CCDC171: variants seen among roughly 807,000 people sequenced by gnomAD.
The protein encoded by CCDC171 is coiled-coil domain containing 171, also known as coiled-coil domain-containing protein 171.
CCDC171 carries 177 observed loss-of-function variants against 168.2 expected under a neutral mutation model. The observed-to-expected ratio is 1.05, with a 90% CI of 0.93 to 1.19. CCDC171 has a LOEUF of 1.19. Among genes scored for constraint, CCDC171 ranks in the 50% most tolerant of loss-of-function variants. The probability of loss-of-function intolerance (pLI) is 0.00; values close to 1 mark genes in which losing one functional copy is unlikely to be tolerated. For missense variants in CCDC171, 1,991 were observed against 1,539.0 expected (o/e 1.29, Z -4.91); for synonymous variants, 687 against 540.8 (o/e 1.27, Z -3.75).
chr9:16,059,949 A>C (rs1389084975), intron 1 of CCDC171, among the ~76,000 whole-genome samples: 2 of 152,180 alleles, frequency 1.3e-5, no homozygotes, highest in Admixed American at 1.3e-4. Context: ...ACCTGAGATG[A>C]AGTCTGGAAC....
chr9:15,855,133 C>G (rs1407302266), intron 23 of CCDC171, among the ~76,000 whole-genome samples: 1 of 151,630 alleles, frequency 6.6e-6, no homozygotes, highest in Middle Eastern at 3.2e-3. Flanking sequence ...CCTTGATTGT[C>G]TTTTGTCTGG....
At chr9:15,894,744 C>T (rs1820680744) in intron 24 of CCDC171, among the ~76,000 whole-genome samples, 1 of 152,126 alleles carries the variant, frequency 6.6e-6, no homozygotes. Context: ...CACTCCTTCA[C>T]TTCATTTATG....
intron 10 of CCDC171, among the ~76,000 whole-genome samples, chr9:15,694,758 C>T (rs935762861): frequency 6.6e-6 from 1 of 152,232 alleles, no homozygotes; most frequent in African/African-American, 2.4e-5. Context: ...CCTACCCCTT[C>T]TTCCCCTTTC....
At chr9:15,933,458 T>C (rs1054770492) in intron 25 of CCDC171, among the ~76,000 whole-genome samples, 4 of 151,956 alleles carry the variant, frequency 2.6e-5, no homozygotes, top group Non-Finnish European at 5.9e-5. Context: ...AAAAAACGAA[T>C]GCTTCAGTTT....
At chr9:16,037,433 A>G (rs983435476) in intron 8 of CCDC171, among the ~76,000 whole-genome samples, 1 of 152,210 alleles carries the variant, frequency 6.6e-6, no homozygotes, top group African/African-American at 2.4e-5. Context: ...ACTGAAGATG[A>G]TCTCAGCTTC....
At chr9:16,100,368 C>G in the CCDC171 span, among the ~76,000 whole-genome samples, 1 of 152,196 alleles carries the variant, frequency 6.6e-6, no homozygotes, top group African/African-American at 2.4e-5. Flanking sequence ...TCAGCTCAGG[C>G]AGCTACCTCA....
At chr9:16,082,139 A>T in the CCDC171 span, among the ~76,000 whole-genome samples, 1 of 152,362 alleles carries the variant, frequency 6.6e-6, no homozygotes, top group East Asian at 1.9e-4. Context: ...ACTAAAACAG[A>T]AAAAGAAAAA....
intron 9 of CCDC171, among the ~76,000 whole-genome samples, chr9:15,672,600 A>C (rs2049202131): frequency 6.6e-6 from 1 of 152,200 alleles, no homozygotes; most frequent in Admixed American, 6.5e-5. Context: ...CCATTTATTA[A>C]ATAGGGAATC....
intron 9 of CCDC171, among the ~76,000 whole-genome samples, chr9:15,666,736 G>C (rs1394967310): frequency 6.6e-6 from 1 of 152,078 alleles, no homozygotes; most frequent in Non-Finnish European, 1.5e-5. Context: ...GAGGTGGGAG[G>C]ATCACCTGAG....
intron 7 of CCDC171, 24 bp from the exon 8 acceptor site, chr9:15,657,103 T>C (rs779386312): frequency 7.1e-7 from 1 of 1,399,850 alleles, no homozygotes. Context: ...TGTTTATGAA[T>C]TTAAACTTTT....
chr9:16,031,010 G>A (rs187936121), intron 6 of CCDC171, among the ~76,000 whole-genome samples: 1 of 152,332 alleles, frequency 6.6e-6, no homozygotes, highest in Non-Finnish European at 1.5e-5. Flanking sequence ...GAGCCAAGTC[G>A]AGTCTGGGGC....
At chr9:15,932,231 C>G (rs1228974252) in intron 25 of CCDC171, among the ~76,000 whole-genome samples, 1 of 151,904 alleles carries the variant, frequency 6.6e-6, no homozygotes, top group African/African-American at 2.4e-5. Context: ...ATTAATTCTT[C>G]CAATCCATGA....
At chr9:16,005,899 G>C (rs1832680754) in intron 3 of CCDC171, among the ~76,000 whole-genome samples, 1 of 152,028 alleles carries the variant, frequency 6.6e-6, no homozygotes, top group South Asian at 2.1e-4. Flanking sequence ...GAAAGTGCTA[G>C]ATTGTTTTCT....
At chr9:15,946,370 C>T (rs1828383453) in intron 25 of CCDC171, among the ~76,000 whole-genome samples, 1 of 151,932 alleles carries the variant, frequency 6.6e-6, no homozygotes, top group South Asian at 2.1e-4. Context: ...TTCTTATACA[C>T]CAATAACAGA....
intron 3 of CCDC171, among the ~76,000 whole-genome samples, chr9:16,015,861 C>A (rs3008714): frequency 0.63 from 96,088 of 152,086 alleles, 30,682 homozygotes; most frequent in East Asian, 0.77. Flanking sequence ...AAGTTGACTC[C>A]TACAGTGTTT....
chr9:15,640,973 A>G (rs2046561756), intron 7 of CCDC171, among the ~76,000 whole-genome samples: 1 of 152,154 alleles, frequency 6.6e-6, no homozygotes, highest in Admixed American at 6.5e-5. Context: ...TAACATGCAT[A>G]TAATAAAATA....
chr9:15,626,557 A>G (rs576632622), intron 7 of CCDC171, among the ~76,000 whole-genome samples: 1 of 152,210 alleles, frequency 6.6e-6, no homozygotes, highest in Non-Finnish European at 1.5e-5. Context: ...CCTTTTCTGC[A>G]TCTGTTGAGA....
the CCDC171 span, among the ~76,000 whole-genome samples, chr9:16,088,455 G>C: frequency 6.6e-6 from 1 of 152,176 alleles, no homozygotes; most frequent in Admixed American, 6.5e-5. Context: ...TGACATGATT[G>C]TATATTTAGA....
intron 4 of CCDC171, 86 bp downstream of exon 4, chr9:15,579,109 G>A (rs2040916069): frequency 9.9e-7 from 1 of 1,014,244 alleles, no homozygotes; most frequent in South Asian, 1.8e-5. Flanking sequence ...ATCCCATACA[G>A]GGTCAGAGGT....
Sources: allele counts gnomAD v4.1 joint callset (sites outside exome capture counted in the v4.1 genomes callset), GRCh38; gene constraint gnomAD v4.1.1; transcripts MANE v1.5; gene names NCBI Gene and HGNC (gene_info 2026-07-23, HGNC 2026-07-21).